The following KIAA1671 variants were observed in gnomAD, a reference collection of about 807,000 sequenced individuals.
KIAA1671 encodes KIAA1671.
A neutral mutation model predicts 131.2 loss-of-function variants in KIAA1671; 52 were observed. The observed-to-expected ratio is 0.40, with a 90% CI of 0.32 to 0.50. KIAA1671 has a LOEUF of 0.50. Among genes scored for constraint, KIAA1671 ranks in the 20% least tolerant of loss-of-function variants. The probability of loss-of-function intolerance (pLI) is 0.73; values close to 1 mark genes in which losing one functional copy is unlikely to be tolerated. For synonymous variants in KIAA1671, 1,003 were observed against 961.6 expected, an observed-to-expected ratio of 1.04 and a Z score of -0.80; for missense variants, 2,360 against 2,364.2, an observed-to-expected ratio of 1.00 and a Z score of 0.04.
chr22:24,995,955 C>T (rs1180557118), intron 1 of KIAA1671, among the ~76,000 whole-genome samples: 1 of 152,352 alleles, frequency 6.6e-6, no homozygotes, highest in South Asian at 2.1e-4. Context: ...ACTGGGGGCA[C>T]CCAGCTGCTA....
intron 1 of KIAA1671, among the ~76,000 whole-genome samples, chr22:24,990,420 A>G (rs1923775489): frequency 6.6e-6 from 1 of 152,270 alleles, no homozygotes; most frequent in Non-Finnish European, 1.5e-5. Flanking sequence ...TCCTCCCTAC[A>G]TGACTCAGTA....
chr22:25,089,266 ATTTTTTTTTTT>A (rs34941122), intron 6 of KIAA1671, among the ~76,000 whole-genome samples: 1 of 89,278 alleles, frequency 1.1e-5, no homozygotes, highest in Non-Finnish European at 2.1e-5. Flanking sequence ...TGTGTGTTTA[ATTTTTTTTTTT>A]TTTTTTTTTT....
In KIAA1671 at chr22:25,029,002, G is replaced by T. The variant is rs913064531; in HGVS notation, c.1003G>T (p.Ala335Ser). The T allele has an allele frequency of 1.1e-5, 16 of 1,511,874 alleles. No homozygotes were observed. Among genetic ancestry groups the T allele is most frequent in the Non-Finnish European group, 1.4e-5 (16 of 1,129,210 alleles). 93.7% of individuals were successfully genotyped at this position (1,511,874 alleles called of 1,614,324 possible). A position where few individuals can be genotyped will look rare whatever the true frequency, so the allele number is the denominator to read the frequency against. The change falls in exon 3 of 13, where the codon GCT becomes TCT. Residue 335 changes from alanine (A) to serine (S), a missense_variant. Physicochemically the swap from Ala to Ser is moderately conservative, Grantham distance 99. Around this residue, in one of 3 missense-constraint regions of KIAA1671, gnomAD observed 1,185 missense variants for 1,126.2 expected, o/e 1.05. Transcript: ENST00000358431. ...LDRDCLVKAEAPLHDPDLDFL... is the reference protein window; with the variant it reads ...LDRDCLVKAESPLHDPDLDFL... ...CAGGGACTGTTTGGTCAAGGCGGAG[G>T]CTCCTCTTCATGATCCTGATTTGGA...
Position 25,040,548 on chromosome 22 carries a change from C to T in KIAA1671, c.3418C>T (p.Pro1140Ser). 2.6e-6 allele frequency: 4 copies of T among 1,551,698 alleles called. No individual in the cohort carries two copies. The South Asian group carries it at 3.6e-5, about 14-fold the overall frequency. The change falls in exon 5 of 13, where the codon CCT (proline) becomes TCT (serine). Residue 1140 changes from proline to serine, a missense_variant. Pro to Ser is a moderately conservative substitution (Grantham distance 74, BLOSUM62 -1). Around this residue, in one of 3 missense-constraint regions of KIAA1671, gnomAD observed 1,161 missense variants for 1,204.7 expected, o/e 0.96. Coordinates refer to ENST00000358431, the MANE Select transcript of KIAA1671 (RefSeq NM_001145206.2). ...LWSHRGSEDG[P>S]RPQSNWKESA... The stretch of plus-strand genomic sequence containing the variant: ...GAGTCATCGGGGATCAGAAGATGGC[C>T]CTCGTCCTCAAAGCAATTGGAAGGA...
chr22:25,134,290 TG>T lies in KIAA1671; in HGVS notation c.4531-36527del, dbSNP rs145802171. On this transcript the variant is annotated intron_variant, in intron 6 of 12. Coordinates refer to ENST00000358431, the MANE Select transcript of KIAA1671 (RefSeq NM_001145206.2). Reference sequence around the variant, plus strand: ...GGCAGCTGGATTCTTGTGTTTACCATGGGTTTGGCTGGCAGGCAATTCAGGA... The same window carrying T: ...GGCAGCTGGATTCTTGTGTTTACCATGGTTTGGCTGGCAGGCAATTCAGGA... 7.9e-5 allele frequency among the ~76,000 whole-genome samples: 12 copies of T among 152,258 alleles called. No homozygotes were observed. The East Asian group carries it at 2.1e-3, about 27-fold the overall frequency.
At chr22:25,133,462 G>C (rs1932536679) in intron 6 of KIAA1671, among the ~76,000 whole-genome samples, 1 of 152,200 alleles carries the variant, frequency 6.6e-6, no homozygotes, top group Non-Finnish European at 1.5e-5. Context: ...TTTAGAAGTA[G>C]ATAGATTAGC....
At chr22:25,157,638 C>G (rs1933287896) in intron 6 of KIAA1671, among the ~76,000 whole-genome samples, 1 of 152,070 alleles carries the variant, frequency 6.6e-6, no homozygotes, top group Non-Finnish European at 1.5e-5. Flanking sequence ...TTGTCTATCT[C>G]CATGCAAGAG....
intron 1 of KIAA1671, among the ~76,000 whole-genome samples, chr22:24,987,009 C>G (rs1341626344): frequency 6.6e-6 from 1 of 152,010 alleles, no homozygotes; most frequent in Non-Finnish European, 1.5e-5. Flanking sequence ...GTTTACTGCA[C>G]AAGCAGCCCA....
chr22:24,960,167 A>AAAT (rs1160828987), intron 1 of KIAA1671, among the ~76,000 whole-genome samples: 4 of 146,258 alleles, frequency 2.7e-5, no homozygotes, highest in South Asian at 2.2e-4. Context: ...ATAAATAAAT[A>AAAT]AAATAAAACA....
At chr22:25,147,266 C>T (rs377002903) in intron 6 of KIAA1671, among the ~76,000 whole-genome samples, 18 of 151,728 alleles carry the variant, frequency 1.2e-4, no homozygotes, top group Admixed American at 8.5e-4. Flanking sequence ...AGTCTTGGCT[C>T]ACTGCAACTT....
intron 6 of KIAA1671, among the ~76,000 whole-genome samples, chr22:25,066,636 C>G (rs899254643): frequency 2.6e-5 from 4 of 152,192 alleles, no homozygotes; most frequent in African/African-American, 9.7e-5. Flanking sequence ...ACCTCATGAC[C>G]CTTAACCTCG....
At chr22:25,128,722 G>A (rs2145940476) in intron 6 of KIAA1671, among the ~76,000 whole-genome samples, 1 of 152,270 alleles carries the variant, frequency 6.6e-6, no homozygotes, top group Non-Finnish European at 1.5e-5. Context: ...CATTGCTTTA[G>A]ACCCAGAGAT....
intron 7 of KIAA1671, among the ~76,000 whole-genome samples, chr22:25,172,209 C>T (rs890340156): frequency 1.3e-5 from 2 of 152,120 alleles, no homozygotes; most frequent in South Asian, 2.1e-4. Context: ...CCTAGGAGCC[C>T]GTTCCTCTCT....
chr22:24,999,681 G>A (rs1162810643), intron 1 of KIAA1671, among the ~76,000 whole-genome samples: 3 of 148,818 alleles, frequency 2.0e-5, no homozygotes, highest in Non-Finnish European at 3.0e-5. Context: ...TCCGGCTTCA[G>A]CCTCCCAAGT....
At chr22:25,132,911 G>A (rs540026038) in intron 6 of KIAA1671, among the ~76,000 whole-genome samples, 4 of 152,050 alleles carry the variant, frequency 2.6e-5, no homozygotes, top group African/African-American at 7.2e-5. Context: ...GAAAATTAGC[G>A]GGGCGTGGTG....
rs1329472328 is a variant in KIAA1671, at chr22:25,135,331, G to A, written c.4531-35489G>A. ...CTCCCGAGTAGCTGGGACTACAGGC[G>A]CCCGCCACCAAGCCTGGCTAATTTT... On this transcript the variant is annotated intron_variant, in intron 6 of 12. Coordinates refer to ENST00000358431, the MANE Select transcript of KIAA1671 (RefSeq NM_001145206.2). 3.3e-5 allele frequency among the ~76,000 whole-genome samples: 5 copies of A among 152,204 alleles called. No homozygotes were observed. In the East Asian group the frequency reaches 5.8e-4, roughly 18 times the overall value.
Position 25,181,762 on chromosome 22 carries a change from C to A in KIAA1671, c.5138C>A (p.Thr1713Asn), listed in dbSNP as rs1237424907. 5 of 1,551,542 alleles carry A rather than the reference C, an allele frequency of 3.2e-6. No individual in the cohort carries two copies. The highest frequency in any genetic ancestry group is 2.0e-5 in the Admixed American group (1 of 50,994). ...GAGACGGCATCCAAAGCTGAGAGGA[C>A]CCCTGTCAGCCATCCTCAGAGGATG... ...EEETASKAER[T>N]PVSHPQRMPA... is the part of the protein sequence containing the mutation. The change falls in exon 10 of 13, where the codon ACC becomes AAC. Residue 1713 changes from threonine (T) to asparagine (N), a missense_variant. Coordinates refer to ENST00000358431, the MANE Select transcript of KIAA1671 (RefSeq NM_001145206.2).
chr22:24,967,381 A>G (rs1481014640), intron 1 of KIAA1671, among the ~76,000 whole-genome samples: 4 of 152,216 alleles, frequency 2.6e-5, no homozygotes, highest in Non-Finnish European at 4.4e-5. Context: ...CAGAGCCTGT[A>G]TTTGAACTCA....
intron 6 of KIAA1671, among the ~76,000 whole-genome samples, chr22:25,111,527 C>T (rs1034363360): frequency 6.6e-6 from 1 of 152,208 alleles, no homozygotes; most frequent in South Asian, 2.1e-4. Context: ...GACCCGGGGG[C>T]CCTGGTGGCT....
Sources: gnomAD v4.1 joint callset for allele counts (sites outside exome capture counted in the v4.1 genomes callset) on GRCh38, gnomAD v4.1.1 for gene constraint, gnomAD v4.1.1 regional missense constraint, MANE v1.5 for transcripts, NCBI Gene and HGNC (gene_info 2026-07-23, HGNC 2026-07-21) for gene names.